The following MLLT3 variants were observed in gnomAD, a reference collection of about 807,000 sequenced individuals.
MLLT3 encodes MLLT3 super elongation complex subunit.
Under a neutral mutation model 53.2 loss-of-function variants are expected in MLLT3, and 4 were observed. That is an observed-to-expected ratio of 0.08 (90% confidence interval 0.04 to 0.17). The LOEUF is 0.17. MLLT3 is among the 10% of genes least tolerant of loss of function. The probability of loss-of-function intolerance (pLI) is 1.00; values close to 1 mark genes in which losing one functional copy is unlikely to be tolerated. For missense variants in MLLT3, 569 were observed against 684.0 expected (o/e 0.83, Z 1.87); for synonymous variants, 283 against 230.6 (o/e 1.23, Z -2.06).
At chr9:20,562,176 A>T (rs1481725941) in intron 2 of MLLT3, among the ~76,000 whole-genome samples, 1 of 152,168 alleles carries the variant, frequency 6.6e-6, no homozygotes, top group East Asian at 1.9e-4. Context: ...AAGGGCTATT[A>T]TACTAAGTGA....
At chr9:20,500,416 T>C (rs1293691094) in intron 2 of MLLT3, among the ~76,000 whole-genome samples, 1 of 152,196 alleles carries the variant, frequency 6.6e-6, no homozygotes, top group Non-Finnish European at 1.5e-5. Flanking sequence ...ATTTCTGCAC[T>C]ACTCTATTGG....
intron 2 of MLLT3, among the ~76,000 whole-genome samples, chr9:20,508,219 T>C (rs2118955342): frequency 6.6e-6 from 1 of 152,242 alleles, no homozygotes; most frequent in South Asian, 2.1e-4. Context: ...TACAGAACAC[T>C]TGAAACAAGT....
intron 4 of MLLT3, among the ~76,000 whole-genome samples, chr9:20,432,352 C>T (rs1823292933): frequency 1.3e-5 from 2 of 152,090 alleles, no homozygotes. Flanking sequence ...AATGAAATAA[C>T]ATAACTTTAA....
intron 4 of MLLT3, among the ~76,000 whole-genome samples, chr9:20,432,565 A>G (rs1228410392): frequency 6.6e-6 from 1 of 152,136 alleles, no homozygotes; most frequent in Non-Finnish European, 1.5e-5. Context: ...ACGTGGAGTT[A>G]GCTCTATGTG....
chr9:20,469,983 C>T (rs1824340223), intron 2 of MLLT3, among the ~76,000 whole-genome samples: 1 of 151,692 alleles, frequency 6.6e-6, no homozygotes, highest in Non-Finnish European at 1.5e-5. Context: ...TTGGTAAAAG[C>T]CTTCCAGTTA....
chr9:20,428,663 T>G (rs2118809419), intron 4 of MLLT3, among the ~76,000 whole-genome samples: 1 of 152,096 alleles, frequency 6.6e-6, no homozygotes, highest in East Asian at 1.9e-4. Context: ...CTACAAAGAT[T>G]TTTGTAACCC....
chr9:20,597,697 CTTTGT>C (rs1820312211), intron 2 of MLLT3, among the ~76,000 whole-genome samples: 1 of 152,096 alleles, frequency 6.6e-6, no homozygotes, highest in African/African-American at 2.4e-5. Context: ...TAATTACTAG[CTTTGT>C]TTTTTCTTTC....
intron 10 of MLLT3, among the ~76,000 whole-genome samples, chr9:20,350,512 G>A (rs949154838): frequency 6.7e-6 from 1 of 149,316 alleles, no homozygotes; most frequent in African/African-American, 2.5e-5. Context: ...GGAGAATGGC[G>A]TGAACCCGGG....
At chr9:20,409,412 T>G (rs781298850) in intron 5 of MLLT3, among the ~76,000 whole-genome samples, 1 of 152,156 alleles carries the variant, frequency 6.6e-6, no homozygotes, top group Non-Finnish European at 1.5e-5. Flanking sequence ...AGATATTTGG[T>G]TTTTTCCCTA....
intron 2 of MLLT3, among the ~76,000 whole-genome samples, chr9:20,498,830 C>G (rs1406104629): frequency 3.9e-5 from 6 of 152,114 alleles, no homozygotes; most frequent in Non-Finnish European, 8.8e-5. Context: ...TTTTGAAGAG[C>G]AAATTGTTTT....
intron 2 of MLLT3, among the ~76,000 whole-genome samples, chr9:20,610,090 C>T (rs1373671564): frequency 6.6e-6 from 1 of 152,048 alleles, no homozygotes; most frequent in Non-Finnish European, 1.5e-5. Flanking sequence ...CTGCAAAAGC[C>T]CACACAGCTT....
chr9:20,464,006 A>T (rs1824174370), intron 2 of MLLT3, among the ~76,000 whole-genome samples: 1 of 151,948 alleles, frequency 6.6e-6, no homozygotes, highest in Non-Finnish European at 1.5e-5. Context: ...TTTTTAAAAT[A>T]AAATATATAA....
intron 5 of MLLT3, among the ~76,000 whole-genome samples, chr9:20,388,311 G>A (rs932540834): frequency 9.9e-5 from 15 of 152,172 alleles, no homozygotes; most frequent in East Asian, 1.9e-4. Flanking sequence ...TTCTCTGGCC[G>A]GGTGCGGTGG....
rs1819969765 is a variant in MLLT3, at chr9:20,586,561, G to C, written c.193+34093C>G. ...TTCAACTAACCTGCTGAAAAAGAGA[G>C]GCAGAAGTTAGGTATGCAGCTGGGA... On this transcript the variant is annotated intron_variant, in intron 2 of 10. Transcript: ENST00000380338. 8.5e-5 allele frequency among the ~76,000 whole-genome samples: 13 copies of C among 152,202 alleles called. 1 individual carries two copies. The South Asian group carries it at 2.7e-3, about 32-fold the overall frequency.
chr9:20,386,111 G>A (rs1056825173), intron 5 of MLLT3, among the ~76,000 whole-genome samples: 13 of 152,100 alleles, frequency 8.5e-5, no homozygotes, highest in African/African-American at 1.9e-4. Context: ...TAGAGATGCC[G>A]TGCCATTTGG....
At chr9:20,423,190 C>CTA (rs1823056712) in intron 4 of MLLT3, among the ~76,000 whole-genome samples, 1 of 152,090 alleles carries the variant, frequency 6.6e-6, no homozygotes, top group Non-Finnish European at 1.5e-5. Context: ...TGCACCACCA[C>CTA]TATATTTTTA....
At chr9:20,588,398 T>C (rs1177259859) in intron 2 of MLLT3, among the ~76,000 whole-genome samples, 2 of 151,848 alleles carry the variant, frequency 1.3e-5, no homozygotes, top group Non-Finnish European at 2.9e-5. Flanking sequence ...GGTAGCTTGA[T>C]GGGGATGGCA....
At chr9:20,565,769 C>T (rs1190813921) in intron 2 of MLLT3, among the ~76,000 whole-genome samples, 1 of 150,720 alleles carries the variant, frequency 6.6e-6, no homozygotes, top group Non-Finnish European at 1.5e-5. Context: ...TGCCCTGAGA[C>T]CTAGACTAGA....
chr9:20,598,656 G>A (rs117659557), intron 2 of MLLT3, among the ~76,000 whole-genome samples: 7 of 152,322 alleles, frequency 4.6e-5, no homozygotes, highest in Non-Finnish European at 7.4e-5. Context: ...TACCAGAAGT[G>A]ATGATCAGTA....
Sources: gnomAD v4.1 joint callset for allele counts (sites outside exome capture counted in the v4.1 genomes callset) on GRCh38, gnomAD v4.1.1 for gene constraint, MANE v1.5 for transcripts, NCBI Gene and HGNC (gene_info 2026-07-23, HGNC 2026-07-21) for gene names.